Variants in EVI5 observed in about 807,000 individuals in gnomAD.
EVI5 encodes the protein ecotropic viral integration site 5, also known as ecotropic viral integration site 5 protein homolog.
A neutral mutation model predicts 112.0 loss-of-function variants in EVI5; 73 were observed. That is an observed-to-expected ratio of 0.65 (90% CI 0.54 to 0.79). EVI5 has a LOEUF of 0.79. Among genes scored for constraint, EVI5 ranks in the 30% least tolerant of loss-of-function variants. The pLI is 0.00. For missense variants in EVI5, 900 were observed against 968.8 expected (o/e 0.93, Z 0.94); for synonymous variants, 305 against 319.9 (o/e 0.95, Z 0.50).
chr1:92,601,966 A>G (rs1649273752), intron 18 of EVI5, among the ~76,000 whole-genome samples: 1 of 152,222 alleles, frequency 6.6e-6, no homozygotes, highest in Non-Finnish European at 1.5e-5. Context: ...CACATACGAT[A>G]GCATGATTTA....
At chr1:92,555,118 A>G (rs906854330) in intron 19 of EVI5, among the ~76,000 whole-genome samples, 9 of 152,204 alleles carry the variant, frequency 5.9e-5, no homozygotes, top group Admixed American at 5.2e-4. Context: ...CATTATCTAC[A>G]TGGGACCTTC....
At chr1:92,630,244 C>T (rs529338600) in intron 14 of EVI5, among the ~76,000 whole-genome samples, 147 of 152,328 alleles carry the variant, frequency 9.7e-4, no homozygotes, top group African/African-American at 3.3e-3. Flanking sequence ...AATCGCCACA[C>T]TGACTTCCAC....
intron 9 of EVI5, among the ~76,000 whole-genome samples, chr1:92,689,522 A>G (rs1669124424): frequency 6.6e-6 from 1 of 152,162 alleles, no homozygotes; most frequent in South Asian, 2.1e-4. Flanking sequence ...TGGCGCCACC[A>G]CATCCAGCTA....
chr1:92,729,563 TGATACCAAA>T (rs140732993), intron 2 of EVI5, among the ~76,000 whole-genome samples: 29,814 of 151,950 alleles, frequency 0.2, 3,434 homozygotes, highest in Non-Finnish European at 0.26. Context: ...ATTGGTTCCC[TGATACCAAA>T]GATACCAAAG....
At chr1:92,544,129 T>C (rs922771396) in intron 19 of EVI5, among the ~76,000 whole-genome samples, 3 of 152,188 alleles carry the variant, frequency 2.0e-5, no homozygotes, top group African/African-American at 4.8e-5. Flanking sequence ...TTGGGAAATG[T>C]GTAGAGACAG....
chr1:92,544,251 T>A (rs1427159273), intron 19 of EVI5, among the ~76,000 whole-genome samples: 2 of 152,134 alleles, frequency 1.3e-5, no homozygotes, highest in Non-Finnish European at 2.9e-5. Flanking sequence ...TGTTCTAGAA[T>A]TGACTGTGAT....
chr1:92,651,051 C>T (rs539590407), intron 13 of EVI5, among the ~76,000 whole-genome samples: 32 of 152,266 alleles, frequency 2.1e-4, no homozygotes, highest in Admixed American at 3.9e-4. Context: ...TCTTCATCAC[C>T]TTATTACCAC....
intron 18 of EVI5, among the ~76,000 whole-genome samples, chr1:92,600,396 T>A (rs1180707126): frequency 4.4e-5 from 1 of 22,610 alleles, no homozygotes; most frequent in Non-Finnish European, 7.8e-5. Context: ...ACACATACAA[T>A]GTAACTTTGT....
At chr1:92,725,468 C>T (rs962405410) in intron 2 of EVI5, among the ~76,000 whole-genome samples, 4 of 151,998 alleles carry the variant, frequency 2.6e-5, no homozygotes, top group Admixed American at 6.6e-5. Flanking sequence ...TAGTCAAACA[C>T]GACAAGATAA....
chr1:92,603,105 T>C (rs1649538956), intron 18 of EVI5, among the ~76,000 whole-genome samples: 1 of 152,174 alleles, frequency 6.6e-6, no homozygotes, highest in Non-Finnish European at 1.5e-5. Context: ...ATGCCCAACA[T>C]AGCTCATCAT....
intron 1 of EVI5, among the ~76,000 whole-genome samples, chr1:92,774,373 T>C (rs1558241766): frequency 6.6e-6 from 1 of 152,214 alleles, no homozygotes; most frequent in Admixed American, 6.6e-5. Context: ...AACGCTGTTC[T>C]GATAAAGTCA....
In EVI5 at chr1:92,697,877, A is replaced by G; in HGVS notation, c.748T>C (p.Phe250Leu). Residue 250 changes from phenylalanine to leucine, a missense_variant, in exon 6 of 20, where the codon TTT becomes CTT. Physicochemically the swap from Phe to Leu is conservative, Grantham distance 22. Coordinates refer to ENST00000684568, the MANE Select transcript of EVI5 (RefSeq NM_001350197.2). ...ACTTTTACCTGTATCATACATTCAA[A>G]CTGGTACATACAAAGGCCCAATTCT... ...MAELGLCMYQ[F>L]ECMIQEHLPE... is the part of the protein sequence containing the mutation. The G allele has an allele frequency of 6.2e-7, 1 of 1,612,820 alleles. No individual in the cohort carries two copies. Among genetic ancestry groups the G allele is most frequent in the Admixed American group, 1.7e-5 (1 of 60,000 alleles).
intron 12 of EVI5, 57 bp from the exon 13 acceptor site, chr1:92,662,922 G>T: frequency 1.1e-6 from 1 of 947,490 alleles, no homozygotes; most frequent in Non-Finnish European, 1.3e-6. Flanking sequence ...AAGAAAGACT[G>T]CCTTTGTGAG....
At chr1:92,592,872 C>A (rs143813872) in intron 18 of EVI5, among the ~76,000 whole-genome samples, 3,026 of 152,100 alleles carry the variant, frequency 0.02, 113 homozygotes, top group African/African-American at 0.067. Context: ...TAAACCAGGA[C>A]GAAGTTGAAT....
chr1:92,652,852 T>A (rs1662365917), intron 13 of EVI5, among the ~76,000 whole-genome samples: 1 of 152,084 alleles, frequency 6.6e-6, no homozygotes, highest in African/African-American at 2.4e-5. Flanking sequence ...GTGAAGAAGC[T>A]GGGGCACAGA....
At chr1:92,681,572 T>A (rs1050428956) in intron 9 of EVI5, among the ~76,000 whole-genome samples, 8 of 152,276 alleles carry the variant, frequency 5.3e-5, no homozygotes, top group Admixed American at 5.2e-4. Flanking sequence ...TAAAATGCCC[T>A]CCTTCTCTTC....
At position 92,624,162 on chromosome 1, in the gene EVI5, C is replaced by T; in HGVS notation, c.1827+14G>A. ...AATGATACTTTTTAAAGATACTGGGCTTTCCCATCATACCTGTGTTTCCAT... is the reference window on the plus strand; with the variant it reads ...AATGATACTTTTTAAAGATACTGGGTTTTCCCATCATACCTGTGTTTCCAT... On this transcript the variant is annotated intron_variant, in intron 16 of 19. Transcript: ENST00000684568. 2 of 1,608,082 alleles carry T rather than the reference C, an allele frequency of 1.2e-6. No individual in the cohort carries two copies. Among genetic ancestry groups the T allele is most frequent in the Middle Eastern group, 1.7e-4 (1 of 5,916 alleles).
chr1:92,621,745 C>A (rs998573555), intron 16 of EVI5, among the ~76,000 whole-genome samples: 10 of 152,262 alleles, frequency 6.6e-5, no homozygotes, highest in African/African-American at 2.4e-4. Flanking sequence ...TTAAAAAGTA[C>A]CCATCTATAT....
intron 13 of EVI5, among the ~76,000 whole-genome samples, chr1:92,640,735 A>G (rs1219097938): frequency 2.6e-5 from 4 of 152,222 alleles, no homozygotes; most frequent in African/African-American, 9.6e-5. Flanking sequence ...CCAGGCATAT[A>G]CCCAAAAGAA....
Sources: allele counts gnomAD v4.1 joint callset (sites outside exome capture counted in the v4.1 genomes callset), GRCh38; gene constraint gnomAD v4.1.1; transcripts MANE v1.5; gene names NCBI Gene and HGNC (gene_info 2026-07-23, HGNC 2026-07-21).